Variants in PMVK observed in about 807,000 individuals in gnomAD.
PMVK encodes the protein phosphomevalonate kinase.
In PMVK, 10 loss-of-function variants were observed where a neutral mutation model predicts 19.0. The ratio of observed to expected loss-of-function variants is 0.53; its 90% CI spans 0.32 to 0.89. The LOEUF is 0.89. Among genes scored for constraint, PMVK ranks in the 40% least tolerant of loss-of-function variants. The probability of loss-of-function intolerance (pLI) is 0.03; values close to 1 mark genes in which losing one functional copy is unlikely to be tolerated. For missense variants in PMVK, 222 were observed against 251.1 expected (o/e 0.88, Z 0.78); for synonymous variants, 108 against 101.6 (o/e 1.06, Z -0.38).
Position 154,929,608 on chromosome 1 carries a change from TC to T in PMVK, c.160-433del, listed in dbSNP as rs535881833. ...TAGCATTGTTTGCCCCCATCCCAAA[TC>T]CCACGGAGATTGTGTCTCCTTTCTC... is the stretch of plus-strand genomic sequence containing the variant. On this transcript the variant is annotated intron_variant, in intron 2 of 4. Transcript: ENST00000368467. Among the ~76,000 whole-genome samples the T allele has an allele frequency of 1.1e-4, 16 of 152,008 alleles. No homozygotes were observed. The East Asian group carries it at 2.7e-3, about 26-fold the overall frequency.
At chr1:154,935,058 CAAAAAAAAAAAA>C (rs569402578) in intron 1 of PMVK, among the ~76,000 whole-genome samples, 311 of 22,286 alleles carry the variant, frequency 0.014, 5 homozygotes, top group African/African-American at 0.025. Context: ...GACTCCGTCT[CAAAAAAAAAAAA>C]AAAAAAAAAA....
chr1:154,939,708 A>C (rs1296243606), upstream of PMVK, among the ~76,000 whole-genome samples: 1 of 36,602 alleles, frequency 2.7e-5, no homozygotes, highest in Non-Finnish European at 4.5e-5. Context: ...CCATCTCAAA[A>C]AAAAAAAAAA....
Position 154,927,966 on chromosome 1 carries a change from G to A in PMVK, c.312+1058C>T, listed in dbSNP as rs78672559. Among the ~76,000 whole-genome samples the A allele has an allele frequency of 4.4e-3, 657 of 150,572 alleles. 3 individuals carry two copies. Among genetic ancestry groups the A allele is most frequent in the Middle Eastern group, 0.01 (3 of 292 alleles). On this transcript the variant is annotated intron_variant, in intron 3 of 4. Coordinates refer to ENST00000368467, the MANE Select transcript of PMVK (RefSeq NM_006556.4). Reference sequence around the variant, plus strand: ...GTATTTATTCTGTGCCTATCTCCCCGCCACCCTCAGCTGTAATGTAAGCTC... The same window carrying A: ...GTATTTATTCTGTGCCTATCTCCCCACCACCCTCAGCTGTAATGTAAGCTC...
At chr1:154,935,840 C>A (rs1285171868) in intron 1 of PMVK, among the ~76,000 whole-genome samples, 2 of 149,188 alleles carry the variant, frequency 1.3e-5, no homozygotes, top group Admixed American at 1.3e-4. Context: ...GAGGTGCTCG[C>A]CATCGCACTA....
intron 2 of PMVK, 131 bp from the exon 3 acceptor site, chr1:154,929,307 G>A: frequency 2.5e-6 from 2 of 792,986 alleles, no homozygotes; most frequent in Non-Finnish European, 4.1e-6. Flanking sequence ...TGAGGTTTCA[G>A]CCAGGACAAA....
At chr1:154,939,209 C>G (rs978102794), upstream of PMVK, among the ~76,000 whole-genome samples, 3 of 152,154 alleles carry the variant, frequency 2.0e-5, no homozygotes, top group Admixed American at 2.0e-4. Flanking sequence ...TATGGACACA[C>G]CCTGGGCTTT....
intron 1 of PMVK, among the ~76,000 whole-genome samples, chr1:154,932,841 C>T (rs1654379077): frequency 1.3e-5 from 2 of 152,306 alleles, no homozygotes; most frequent in South Asian, 4.1e-4. Context: ...TGGCTCACAC[C>T]TGTAATCCCA....
upstream of PMVK, chr1:154,936,772 A>G: frequency 1.6e-6 from 2 of 1,221,722 alleles, no homozygotes; most frequent in South Asian, 2.6e-5. Context: ...CGCGGCCACT[A>G]AGCGGAGCGG....
intron 3 of PMVK, 62 bp downstream of exon 3, chr1:154,928,962 G>C: frequency 6.6e-7 from 1 of 1,513,364 alleles, no homozygotes; most frequent in Non-Finnish European, 9.2e-7. Context: ...GACAGAGAGA[G>C]ATGGACACAG....
At chr1:154,925,516 G>A (rs1010424684) in intron 4 of PMVK, among the ~76,000 whole-genome samples, 1 of 152,180 alleles carries the variant, frequency 6.6e-6, no homozygotes, top group Non-Finnish European at 1.5e-5. Context: ...GCCTACAGAG[G>A]GTGAATCGGG....
chr1:154,941,509 C>T (rs1350464515), upstream of PMVK, among the ~76,000 whole-genome samples: 1 of 152,144 alleles, frequency 6.6e-6, no homozygotes, highest in Non-Finnish European at 1.5e-5. Flanking sequence ...TGTGAAGGGG[C>T]CAGGAACATC....
In PMVK at chr1:154,925,080, G is replaced by GCCCCCCCCCCCCCCCC; in HGVS notation, c.*48_*49insGGGGGGGGGGGGGGGG. 2 of 1,459,210 alleles carry GCCCCCCCCCCCCCCCC rather than the reference G, an allele frequency of 1.4e-6. No homozygotes were observed. Among genetic ancestry groups the GCCCCCCCCCCCCCCCC allele is most frequent in the South Asian group, 1.2e-5 (1 of 85,486 alleles). 90.4% of individuals were successfully genotyped at this position (1,459,210 alleles called of 1,614,324 possible). A position where few individuals can be genotyped will look rare whatever the true frequency, so the allele number is the denominator to read the frequency against. Reference sequence around the variant, plus strand: ...GGGACACCCCCATTTTGCAGAGTCAGCCCCACCCCCACCTCAGCAGGCCCC... The same window carrying GCCCCCCCCCCCCCCCC: ...GGGACACCCCCATTTTGCAGAGTCAGCCCCCCCCCCCCCCCCCCCCACCCCCACCTCAGCAGGCCCC... On this transcript the variant is annotated 3_prime_UTR_variant, in exon 5 of 5. Coordinates refer to ENST00000368467, the MANE Select transcript of PMVK (RefSeq NM_006556.4).
intron 3 of PMVK, among the ~76,000 whole-genome samples, chr1:154,928,245 T>C (rs4578216): frequency 0.23 from 35,342 of 152,012 alleles, 4,789 homozygotes; most frequent in Non-Finnish European, 0.31. Context: ...TCCAGACAGG[T>C]GGAAGGGCAT....
At chr1:154,937,302 G>C (rs964219301), upstream of PMVK, 8 of 152,632 alleles carry the variant, frequency 5.2e-5, no homozygotes, top group African/African-American at 1.9e-4. Context: ...TCATGTCGGG[G>C]GAGGAGCAGA....
At chr1:154,933,554 C>T (rs1347744050) in intron 1 of PMVK, among the ~76,000 whole-genome samples, 9 of 128,608 alleles carry the variant, frequency 7.0e-5, no homozygotes, top group Non-Finnish European at 1.4e-4. Context: ...AGTGCAATGG[C>T]GCGATCTCGG....
In PMVK at chr1:154,925,438, G is replaced by A. The variant is rs143945636; in HGVS notation, c.443-173C>T. Among the ~76,000 whole-genome samples, 546 of 152,284 alleles carry A rather than the reference G, an allele frequency of 3.6e-3. 4 individuals are homozygous for A. The highest frequency in any genetic ancestry group is 4.9e-3 in the Non-Finnish European group (330 of 68,024). On this transcript the variant is annotated intron_variant, in intron 4 of 4. Transcript: ENST00000368467. ...TACCCCTGAAACACTGTGATGGCAG[G>A]TTCAGTAGCCCATAGCCACCTGGGC...
chr1:154,940,466 C>A (rs1221102350), upstream of PMVK, among the ~76,000 whole-genome samples: 3 of 152,188 alleles, frequency 2.0e-5, no homozygotes, highest in Non-Finnish European at 2.9e-5. Flanking sequence ...CCTACAGTAG[C>A]CATCCCCTCA....
upstream of PMVK, chr1:154,936,964 G>C (rs891703403): frequency 4.4e-6 from 2 of 456,024 alleles, no homozygotes; most frequent in Admixed American, 3.4e-5. Context: ...AACTCACTTA[G>C]AACAGTCCAG....
chr1:154,925,319 C>A, intron 4 of PMVK, 54 bp from the exon 5 acceptor site: 1 of 1,600,020 alleles, frequency 6.2e-7, no homozygotes. Context: ...AGACAGCAGG[C>A]ATCAAGGCCT....
Sources: gnomAD v4.1 joint callset for allele counts (sites outside exome capture counted in the v4.1 genomes callset) on GRCh38, gnomAD v4.1.1 for gene constraint, MANE v1.5 for transcripts, NCBI Gene and HGNC (gene_info 2026-07-23, HGNC 2026-07-21) for gene names.